Variants in TBXAS1 observed in about 807,000 individuals in gnomAD.
The protein encoded by TBXAS1 is thromboxane A synthase 1, also known as thromboxane-A synthase.
In TBXAS1, 48 loss-of-function variants were observed where a neutral mutation model predicts 60.7. The ratio of observed to expected loss-of-function variants is 0.79; its 90% CI spans 0.63 to 1.01. TBXAS1 has a LOEUF of 1.01. TBXAS1 is among the 50% of genes least tolerant of loss of function. The pLI is 0.00. For synonymous variants in TBXAS1, 287 were observed against 269.7 expected (o/e 1.06, Z -0.63); for missense variants, 685 against 686.3 (o/e 1.00, Z 0.02).
chr7:139,817,214 C>T (rs1240331891), intron 4 of TBXAS1, among the ~76,000 whole-genome samples: 1 of 151,972 alleles, frequency 6.6e-6, no homozygotes, highest in Non-Finnish European at 1.5e-5. Context: ...CCCCCCGTCC[C>T]AGCCCCCCAT....
intron 9 of TBXAS1, chr7:139,962,451 C>A: frequency 1.8e-6 from 1 of 544,670 alleles, no homozygotes; most frequent in Non-Finnish European, 3.3e-6. Flanking sequence ...ATTGTGTGTG[C>A]ACCTTCACTG....
At chr7:140,011,697 A>C (rs575986958) in intron 10 of TBXAS1, among the ~76,000 whole-genome samples, 1 of 152,292 alleles carries the variant, frequency 6.6e-6, no homozygotes, top group South Asian at 2.1e-4. Context: ...GGAGGGAGTT[A>C]GTGTTTAAGG....
chr7:139,891,653 G>A (rs968160940), intron 3 of TBXAS1, among the ~76,000 whole-genome samples: 1 of 152,168 alleles, frequency 6.6e-6, no homozygotes, highest in African/African-American at 2.4e-5. Flanking sequence ...CAAACTTCAC[G>A]AGGGTAGGGA....
rs571211599 is a variant in TBXAS1, at chr7:139,802,447, C to A, written c.-80+15021C>A. Among the ~76,000 whole-genome samples the A allele has an allele frequency of 9.9e-5, 15 of 152,214 alleles. No individual in the cohort carries two copies. The South Asian group carries it at 2.5e-3, about 25-fold the overall frequency. On this transcript the variant is annotated intron_variant, in intron 4 of 16. Transcript: ENST00000336425. ...GGGGGTGTGTTTTTTCCATTCTGTTCTCGTGATAGTGAATAAGTCTCTAGA... is the reference window on the plus strand; with the variant it reads ...GGGGGTGTGTTTTTTCCATTCTGTTATCGTGATAGTGAATAAGTCTCTAGA...
chr7:139,918,120 C>A (rs760936096), intron 4 of TBXAS1, among the ~76,000 whole-genome samples: 10 of 152,124 alleles, frequency 6.6e-5, no homozygotes, highest in Non-Finnish European at 1.0e-4. Context: ...TCCCATTTTC[C>A]CTCTTCTAAG....
rs1489297132 is a variant in TBXAS1 at position 140,017,599 on chromosome 7, C to T, written c.1365-72C>T. ...CCTTGTCTCAGATGCAGGGGTGGCT[C>T]AGCTGGAGCACAGGGCTGCAGAGGG... On this transcript the variant is annotated intron_variant, in intron 11 of 12. Coordinates refer to ENST00000448866, the MANE Select transcript of TBXAS1 (RefSeq NM_001061.7). 22 of 1,588,284 alleles carry T rather than the reference C, an allele frequency of 1.4e-5. No homozygotes were observed. The South Asian group carries it at 2.4e-4, about 17-fold the overall frequency.
intron 4 of TBXAS1, among the ~76,000 whole-genome samples, chr7:139,928,041 T>C (rs1158703181): frequency 6.6e-6 from 1 of 152,168 alleles, no homozygotes; most frequent in East Asian, 1.9e-4. Flanking sequence ...CAAATAGAAG[T>C]GTAATAGTGG....
intron 3 of TBXAS1, among the ~76,000 whole-genome samples, chr7:139,895,302 G>T (rs1230460990): frequency 5.9e-5 from 9 of 151,762 alleles, no homozygotes. Context: ...AGCCTTCGTT[G>T]CCAGGCGAAG....
chr7:139,900,687 A>G (rs2116988035), intron 3 of TBXAS1, among the ~76,000 whole-genome samples: 1 of 152,332 alleles, frequency 6.6e-6, no homozygotes, highest in Middle Eastern at 3.4e-3. Flanking sequence ...TGTGCTTTGT[A>G]GGCAGTCTGT....
chr7:139,878,860 A>G (rs946389341), intron 3 of TBXAS1, among the ~76,000 whole-genome samples: 1 of 152,182 alleles, frequency 6.6e-6, no homozygotes, highest in South Asian at 2.1e-4. Flanking sequence ...TTGATTCATT[A>G]TTTGACAAGT....
At chr7:139,800,032 G>A (rs1015697073) in intron 4 of TBXAS1, among the ~76,000 whole-genome samples, 8 of 152,002 alleles carry the variant, frequency 5.3e-5, no homozygotes, top group South Asian at 2.1e-4. Flanking sequence ...ACAACCCGTC[G>A]GCAAGTCCCA....
At chr7:139,875,333 T>G (rs1802147380) in intron 2 of TBXAS1, among the ~76,000 whole-genome samples, 1 of 152,208 alleles carries the variant, frequency 6.6e-6, no homozygotes, top group African/African-American at 2.4e-5. Context: ...TTTTTGAATA[T>G]TTTAGCAGCA....
At chr7:139,948,648 C>T (rs543583623) in intron 5 of TBXAS1, among the ~76,000 whole-genome samples, 4 of 152,078 alleles carry the variant, frequency 2.6e-5, no homozygotes, top group East Asian at 1.9e-4. Flanking sequence ...ATGTAACAAC[C>T]GAATGCATCT....
At chr7:139,801,867 G>A (rs573568837) in intron 4 of TBXAS1, among the ~76,000 whole-genome samples, 7 of 152,120 alleles carry the variant, frequency 4.6e-5, no homozygotes, top group South Asian at 2.1e-4. Flanking sequence ...AGGTTCAAGC[G>A]ATTCTTCTGC....
intron 10 of TBXAS1, among the ~76,000 whole-genome samples, chr7:140,012,901 C>G (rs1050766365): frequency 6.6e-6 from 1 of 152,050 alleles, no homozygotes; most frequent in Non-Finnish European, 1.5e-5. Flanking sequence ...AGTGACAGCA[C>G]GTTTGTTTAA....
intron 4 of TBXAS1, among the ~76,000 whole-genome samples, chr7:139,817,780 G>A (rs1437268160): frequency 6.6e-6 from 1 of 152,110 alleles, no homozygotes; most frequent in Non-Finnish European, 1.5e-5. Flanking sequence ...GAAAATCTAG[G>A]TTGAGAAATG....
intron 4 of TBXAS1, among the ~76,000 whole-genome samples, chr7:139,797,962 A>G (rs1369661625): frequency 6.6e-6 from 1 of 152,182 alleles, no homozygotes. Flanking sequence ...TCCTTGGAAC[A>G]CTCATGATAT....
intron 11 of TBXAS1, among the ~76,000 whole-genome samples, chr7:140,016,155 C>A (rs867501476): frequency 6.6e-6 from 1 of 151,912 alleles, no homozygotes; most frequent in African/African-American, 2.4e-5. Flanking sequence ...GGTGAAACCC[C>A]ATCTCTACTA....
chr7:139,821,015 T>C (rs1370827769), intron 4 of TBXAS1, among the ~76,000 whole-genome samples: 1 of 152,186 alleles, frequency 6.6e-6, no homozygotes, highest in Admixed American at 6.5e-5. Context: ...GCCAAGGCAT[T>C]TGTTGAATCA....
Sources: gnomAD v4.1 joint callset for allele counts (sites outside exome capture counted in the v4.1 genomes callset) on GRCh38, gnomAD v4.1.1 for gene constraint, MANE v1.5 for transcripts, NCBI Gene and HGNC (gene_info 2026-07-23, HGNC 2026-07-21) for gene names.